The following CSMD1 variants were observed in gnomAD, a reference collection of about 807,000 sequenced individuals.
CSMD1 encodes the protein CUB and sushi domain-containing protein 1.
A neutral mutation model predicts 417.5 loss-of-function variants in CSMD1; 213 were observed. The observed-to-expected ratio is 0.51, with a 90% CI of 0.46 to 0.57. The LOEUF (loss-of-function observed/expected upper bound fraction) is 0.57, where lower values mean the gene tolerates loss of function less well. Ranked by LOEUF, CSMD1 falls within the 20% of genes least tolerant of loss-of-function variation. The probability of loss-of-function intolerance (pLI) is 0.00; values close to 1 mark genes in which losing one functional copy is unlikely to be tolerated. For missense variants in CSMD1, 6,923 were observed against 4,529.7 expected (o/e 1.53, Z -15.17); for synonymous variants, 2,862 against 1,736.8 (o/e 1.65, Z -16.11).
intron 1 of CSMD1, among the ~76,000 whole-genome samples, chr8:4,923,234 T>C (rs1241636183): frequency 6.6e-6 from 1 of 152,204 alleles, no homozygotes; most frequent in Non-Finnish European, 1.5e-5. Context: ...TGTCCATTCA[T>C]TAAACAGCTG....
At chr8:4,079,376 G>A (rs1162488956) in intron 3 of CSMD1, among the ~76,000 whole-genome samples, 1 of 152,102 alleles carries the variant, frequency 6.6e-6, no homozygotes, top group Non-Finnish European at 1.5e-5. Context: ...TCTGTAATCA[G>A]GCATTCTATT....
chr8:4,760,552 T>C (rs906527944), intron 1 of CSMD1, among the ~76,000 whole-genome samples: 1 of 152,210 alleles, frequency 6.6e-6, no homozygotes, highest in African/African-American at 2.4e-5. Context: ...CATATATTAT[T>C]GGCAAGCAGG....
At chr8:4,007,914 G>C (rs1015143531) in intron 4 of CSMD1, among the ~76,000 whole-genome samples, 7 of 152,068 alleles carry the variant, frequency 4.6e-5, no homozygotes, top group Admixed American at 2.0e-4. Context: ...AAAAAAAGTA[G>C]TCTATAAAAA....
intron 7 of CSMD1, among the ~76,000 whole-genome samples, chr8:3,674,408 C>T (rs56259508): frequency 0.14 from 21,085 of 151,932 alleles, 1,649 homozygotes; most frequent in South Asian, 0.21. Flanking sequence ...ATTTCTCATT[C>T]AAATCAAGAA....
chr8:3,791,639 C>T (rs1361280526), intron 5 of CSMD1, among the ~76,000 whole-genome samples: 1 of 152,122 alleles, frequency 6.6e-6, no homozygotes, highest in African/African-American at 2.4e-5. Context: ...GCCTGGTCAG[C>T]ATGGCAAAAA....
rs143280786 is a variant in CSMD1, at chr8:3,914,439, T to C, written c.818+83464A>G. Among the ~76,000 whole-genome samples the C allele has an allele frequency of 7.5e-3, 1,135 of 152,324 alleles. 17 individuals carry two copies. Among genetic ancestry groups the C allele is most frequent in the African/African-American group, 0.026 (1,064 of 41,572 alleles). On this transcript the variant is annotated intron_variant, in intron 5 of 69. Coordinates refer to ENST00000635120, the MANE Select transcript of CSMD1 (RefSeq NM_033225.6). ...GGAGAGACAACCATGTTCTAAATCT[T>C]CTATTTCTAACGCTAATTATTATTA... is the stretch of plus-strand genomic sequence containing the variant.
At chr8:4,265,030 A>T (rs182346059) in intron 3 of CSMD1, among the ~76,000 whole-genome samples, 9 of 152,284 alleles carry the variant, frequency 5.9e-5, no homozygotes, top group Admixed American at 1.3e-4. Context: ...ATTTAAGTTA[A>T]TGTTGCTGAG....
chr8:3,470,135 C>G (rs994131322), intron 11 of CSMD1, among the ~76,000 whole-genome samples: 6 of 152,182 alleles, frequency 3.9e-5, no homozygotes, highest in Non-Finnish European at 8.8e-5. Context: ...TCACCATCCT[C>G]TCCTCCCATC....
chr8:3,703,833 G>A (rs758287189), intron 7 of CSMD1, among the ~76,000 whole-genome samples: 1 of 152,160 alleles, frequency 6.6e-6, no homozygotes, highest in Non-Finnish European at 1.5e-5. Flanking sequence ...CACTTAAGGA[G>A]GCCAAGGCAG....
At chr8:4,272,868 T>G (rs929374443) in intron 3 of CSMD1, among the ~76,000 whole-genome samples, 2 of 152,292 alleles carry the variant, frequency 1.3e-5, no homozygotes, top group South Asian at 2.1e-4. Flanking sequence ...GATAAAACGA[T>G]AGATAAAATT....
chr8:4,154,330 T>G lies in CSMD1; in HGVS notation c.416-122231A>C, dbSNP rs1211749709. Among the ~76,000 whole-genome samples the G allele has an allele frequency of 1.3e-5, 2 of 152,330 alleles. 1 individual carries two copies. Among genetic ancestry groups the G allele is most frequent in the South Asian group, 4.1e-4 (2 of 4,828 alleles). On this transcript the variant is annotated intron_variant, in intron 3 of 69. Coordinates refer to ENST00000635120, the MANE Select transcript of CSMD1 (RefSeq NM_033225.6). ...GCTTCCTATTTAAGTTGAAAGGATG[T>G]AGTCCAGGAGTATTCAGTCAAGCAA... is the stretch of plus-strand genomic sequence containing the variant.
intron 2 of CSMD1, among the ~76,000 whole-genome samples, chr8:4,599,440 G>A (rs1052214964): frequency 6.6e-6 from 1 of 150,936 alleles, no homozygotes; most frequent in African/African-American, 2.4e-5. Context: ...GGAGTAAATT[G>A]TACCTAATTA....
intron 1 of CSMD1, among the ~76,000 whole-genome samples, chr8:4,653,333 T>C (rs912552047): frequency 4.6e-5 from 7 of 152,138 alleles, no homozygotes; most frequent in Admixed American, 1.3e-4. Flanking sequence ...GAAGTTTAAG[T>C]AGACTCAAGT....
chr8:3,888,604 A>G (rs1194277462), intron 5 of CSMD1, among the ~76,000 whole-genome samples: 4 of 152,130 alleles, frequency 2.6e-5, no homozygotes, highest in African/African-American at 9.7e-5. Context: ...TGCATAATCT[A>G]ACAAGATCTT....
At position 3,307,552 on chromosome 8, in the gene CSMD1, C is replaced by G. The variant is rs1007312357; in HGVS notation, c.3950+143G>C. 8.1e-6 allele frequency: 8 copies of G among 986,726 alleles called. No individual in the cohort carries two copies. The African/African-American group carries it at 1.1e-4, about 14-fold the overall frequency. 61.1% of individuals were successfully genotyped at this position (986,726 alleles called of 1,614,324 possible). ...ACAGCAAAGTAAGCAAGTGAGCCAA[C>G]AAAACTTTTAGCTACAGCTTTACCT... On this transcript the variant is annotated intron_variant, in intron 25 of 69. Transcript: ENST00000635120.
intron 33 of CSMD1, among the ~76,000 whole-genome samples, chr8:3,191,270 A>G (rs1031599271): frequency 1.3e-5 from 2 of 152,060 alleles, no homozygotes; most frequent in African/African-American, 2.4e-5. Flanking sequence ...AGCCTGGCCA[A>G]CAGGTGAAAC....
At chr8:4,494,851 A>G (rs905110012) in intron 2 of CSMD1, among the ~76,000 whole-genome samples, 8 of 152,226 alleles carry the variant, frequency 5.3e-5, no homozygotes, top group Non-Finnish European at 1.0e-4. Context: ...CAGGGTAGGT[A>G]GCAATTCTAC....
At position 4,159,240 on chromosome 8, in the gene CSMD1, C is replaced by T. The variant is rs545505801; in HGVS notation, c.416-127141G>A. ...CCGTAATTCTTTATTGATAGATAAC[C>T]GTGAAATGTTTTACTCATTGGGGTA... On this transcript the variant is annotated intron_variant, in intron 3 of 69. Transcript: ENST00000635120. Among the ~76,000 whole-genome samples, 95 of 152,130 alleles carry T rather than the reference C, an allele frequency of 6.2e-4. 1 individual carries two copies. The highest frequency in any genetic ancestry group is 3.9e-4 in the East Asian group (2 of 5,162).
chr8:3,692,577 G>A lies in CSMD1; in HGVS notation c.1009+15837C>T, dbSNP rs138276418. ...AGCCTCCCGAGCATCTGGGATAACA[G>A]GCATGTCACCACACACAGCTAATTT... On this transcript the variant is annotated intron_variant, in intron 7 of 69. Coordinates refer to ENST00000635120, the MANE Select transcript of CSMD1 (RefSeq NM_033225.6). 4.6e-3 allele frequency among the ~76,000 whole-genome samples: 702 copies of A among 152,072 alleles called. 10 individuals are homozygous for A. The highest frequency in any genetic ancestry group is 0.016 in the African/African-American group (667 of 41,450).
Sources: gnomAD v4.1 joint callset for allele counts (sites outside exome capture counted in the v4.1 genomes callset) on GRCh38, gnomAD v4.1.1 for gene constraint, MANE v1.5 for transcripts, NCBI Gene and HGNC (gene_info 2026-07-23, HGNC 2026-07-21) for gene names.